CCDC171: variants seen among roughly 807,000 people sequenced by gnomAD.
CCDC171 encodes the protein coiled-coil domain-containing protein 171.
In CCDC171, 177 loss-of-function variants were observed where a neutral mutation model predicts 168.2. That is an observed-to-expected ratio of 1.05 (90% CI 0.93 to 1.19). CCDC171 has a LOEUF of 1.19. Ranked by LOEUF, CCDC171 falls within the 50% of genes most tolerant of loss-of-function variation. CCDC171 has a pLI of 0.00. For missense variants in CCDC171, 1,991 were observed against 1,539.0 expected (o/e 1.29, Z -4.91); for synonymous variants, 687 against 540.8 (o/e 1.27, Z -3.75).
chr9:15,558,066 C>G (rs1382615553), intron 1 of CCDC171, among the ~76,000 whole-genome samples: 1 of 152,116 alleles, frequency 6.6e-6, no homozygotes, highest in African/African-American at 2.4e-5. Flanking sequence ...GTTGAACCAG[C>G]CTTCCATCCC....
intron 23 of CCDC171, among the ~76,000 whole-genome samples, chr9:15,860,962 G>GTGTGTGTGTGTGTGT (rs57303759): frequency 1.3e-5 from 2 of 150,828 alleles, no homozygotes; most frequent in Non-Finnish European, 3.0e-5. Context: ...GTGTGTGTGT[G>GTGTGTGTGTGTGTGT]ATAATTGTTA....
chr9:15,622,656 A>C (rs541362776), intron 6 of CCDC171, among the ~76,000 whole-genome samples: 1 of 151,770 alleles, frequency 6.6e-6, no homozygotes, highest in East Asian at 1.9e-4. Flanking sequence ...ATAAAATTCA[A>C]CTCCCATTTC....
chr9:15,725,067 A>T (rs962520009), intron 14 of CCDC171, 91 bp downstream of exon 14: 3 of 946,278 alleles, frequency 3.2e-6, no homozygotes, highest in Non-Finnish European at 4.9e-6. Context: ...GTATTTAATT[A>T]AGAAAATTGT....
At chr9:15,637,631 C>G (rs1036440434) in intron 7 of CCDC171, among the ~76,000 whole-genome samples, 4 of 118,980 alleles carry the variant, frequency 3.4e-5, no homozygotes, top group Admixed American at 2.0e-4. Context: ...CCCCCCACCC[C>G]ACAACAGTCC....
intron 24 of CCDC171, among the ~76,000 whole-genome samples, chr9:15,912,285 T>C (rs1344031679): frequency 6.6e-6 from 1 of 152,160 alleles, no homozygotes; most frequent in Non-Finnish European, 1.5e-5. Flanking sequence ...CTTATATTCT[T>C]AGGTATTTTA....
chr9:16,063,504 A>C (rs1833958442), downstream of CCDC171, among the ~76,000 whole-genome samples: 1 of 152,214 alleles, frequency 6.6e-6, no homozygotes, highest in African/African-American at 2.4e-5. Flanking sequence ...GAGAAGCTAA[A>C]AAGTGAAGTT....
chr9:15,978,515 C>T (rs967679942), downstream of CCDC171, among the ~76,000 whole-genome samples: 1 of 152,068 alleles, frequency 6.6e-6, no homozygotes, highest in African/African-American at 2.4e-5. Flanking sequence ...GAGGCAGAAT[C>T]CCTGTTCTTC....
chr9:15,741,751 G>T (rs898152834), intron 16 of CCDC171, among the ~76,000 whole-genome samples: 20 of 151,902 alleles, frequency 1.3e-4, no homozygotes, highest in Admixed American at 1.1e-3. Context: ...CAATTCTTAT[G>T]TCTCTACTTG....
chr9:15,630,770 A>G (rs1228698639), intron 7 of CCDC171, among the ~76,000 whole-genome samples: 1 of 152,230 alleles, frequency 6.6e-6, no homozygotes, highest in Non-Finnish European at 1.5e-5. Flanking sequence ...CATAGTTGGA[A>G]GTAAAGCTCT....
At chr9:15,837,610 C>A (rs1231137927) in intron 21 of CCDC171, among the ~76,000 whole-genome samples, 1 of 152,166 alleles carries the variant, frequency 6.6e-6, no homozygotes, top group Non-Finnish European at 1.5e-5. Flanking sequence ...TTGAGTCCAT[C>A]CCTCTGCCTT....
chr9:15,679,756 C>T (rs902190272), intron 10 of CCDC171, among the ~76,000 whole-genome samples: 17 of 152,238 alleles, frequency 1.1e-4, no homozygotes, highest in Admixed American at 9.8e-4. Flanking sequence ...GCTATGTTGG[C>T]CAGGCTGGCA....
At chr9:16,087,886 G>A in the CCDC171 span, among the ~76,000 whole-genome samples, 2 of 152,000 alleles carry the variant, frequency 1.3e-5, no homozygotes, top group Non-Finnish European at 2.9e-5. Flanking sequence ...GCTGGTCCCG[G>A]TGATGACAAA....
At chr9:15,555,405 A>G (rs1382743762) in intron 1 of CCDC171, among the ~76,000 whole-genome samples, 1 of 152,174 alleles carries the variant, frequency 6.6e-6, no homozygotes, top group Non-Finnish European at 1.5e-5. Flanking sequence ...TTGAGAATCG[A>G]CTGAAGGTCT....
At chr9:15,909,074 CAG>C (rs1360605614) in intron 24 of CCDC171, among the ~76,000 whole-genome samples, 1 of 152,138 alleles carries the variant, frequency 6.6e-6, no homozygotes, top group Admixed American at 6.5e-5. Flanking sequence ...GAGTATATCA[CAG>C]AGTTATATAA....
intron 25 of CCDC171, among the ~76,000 whole-genome samples, chr9:15,948,106 G>A (rs1828650706): frequency 6.6e-6 from 1 of 151,366 alleles, no homozygotes; most frequent in African/African-American, 2.4e-5. Context: ...ATAGTTTACT[G>A]AGAATGATGA....
At chr9:15,770,784 G>C (rs2056971353) in intron 18 of CCDC171, among the ~76,000 whole-genome samples, 1 of 152,126 alleles carries the variant, frequency 6.6e-6, no homozygotes, top group Non-Finnish European at 1.5e-5. Context: ...CTGTGAAAAT[G>C]CTTATACCCA....
intron 14 of CCDC171, among the ~76,000 whole-genome samples, chr9:15,726,059 T>C (rs10962128): frequency 0.17 from 25,927 of 152,182 alleles, 2,844 homozygotes; most frequent in Non-Finnish European, 0.26. Context: ...ATCCTGCATA[T>C]TGAGTTCATT....
At chr9:15,750,198 TA>T (rs1291636627) in intron 18 of CCDC171, among the ~76,000 whole-genome samples, 1 of 151,838 alleles carries the variant, frequency 6.6e-6, no homozygotes, top group African/African-American at 2.4e-5. Flanking sequence ...GACCTCTACA[TA>T]AATAAACTAG....
At chr9:15,898,119 G>A (rs1411013933) in intron 24 of CCDC171, among the ~76,000 whole-genome samples, 1 of 152,196 alleles carries the variant, frequency 6.6e-6, no homozygotes, top group Non-Finnish European at 1.5e-5. Context: ...TGTCTGGCCT[G>A]CAGTAGCTGT....
Sources: allele counts gnomAD v4.1 joint callset (sites outside exome capture counted in the v4.1 genomes callset), GRCh38; gene constraint gnomAD v4.1.1; transcripts MANE v1.5; gene names NCBI Gene and HGNC (gene_info 2026-07-23, HGNC 2026-07-21).